GLDN: variants seen among roughly 807,000 people sequenced by gnomAD.
GLDN encodes the protein gliomedin, also known as collomin.
GLDN carries 47 observed loss-of-function variants against 56.5 expected under a neutral mutation model. That is an observed-to-expected ratio of 0.83 (90% CI 0.66 to 1.06). GLDN has a LOEUF of 1.06. GLDN is among the 50% of genes least tolerant of loss of function. GLDN has a pLI of 0.00. For synonymous variants in GLDN, 332 were observed against 278.8 expected, an observed-to-expected ratio of 1.19 and a Z score of -1.90; for missense variants, 782 against 714.3, an observed-to-expected ratio of 1.09 and a Z score of -1.08.
intron 4 of GLDN, among the ~76,000 whole-genome samples, chr15:51,387,605 T>C (rs2037926695): frequency 6.6e-6 from 1 of 152,074 alleles, no homozygotes; most frequent in Non-Finnish European, 1.5e-5. Flanking sequence ...TTCCAGGCCA[T>C]TGCTGTGACT....
At chr15:51,385,309 G>C (rs150512680) in intron 4 of GLDN, 1 of 152,226 alleles carries the variant, frequency 6.6e-6, no homozygotes, top group Non-Finnish European at 1.5e-5. Flanking sequence ...TGTGGGGCAC[G>C]TAGGAAAGGG....
chr15:51,400,522 C>G lies in GLDN; in HGVS notation c.1027+24C>G, dbSNP rs768273210. 8.1e-6 allele frequency: 13 copies of G among 1,608,532 alleles called. No individual in the cohort carries two copies. The Admixed American group carries it at 2.0e-4, about 25-fold the overall frequency. ...AGGTACTTGCACTCGGCCTATGACC[C>G]ATATCTGTGTGGTAACTGTATTTTT... On this transcript the variant is annotated intron_variant, in intron 8 of 9. Coordinates refer to ENST00000335449, the MANE Select transcript of GLDN (RefSeq NM_181789.4).
chr15:51,409,391 T>G (rs1376556030), downstream of GLDN, among the ~76,000 whole-genome samples: 3 of 152,106 alleles, frequency 2.0e-5, no homozygotes, highest in African/African-American at 7.2e-5. Context: ...CCCCTTTAAG[T>G]GGACCATTCA....
At chr15:51,404,113 G>T (rs2038315473) in intron 9 of GLDN, among the ~76,000 whole-genome samples, 164 bp from the exon 10 acceptor site, 1 of 152,144 alleles carries the variant, frequency 6.6e-6, no homozygotes, top group Admixed American at 6.5e-5. Flanking sequence ...TCACAGCATT[G>T]CCCAAGGACC....
chr15:51,353,736 CA>C lies in GLDN; in HGVS notation c.363+11690del, dbSNP rs1318465974. ...GATTAAAAAAAAAAAAAAAAAAAACCACAGTCAATTAAAAAAAAAAAAAAGA... is the reference window on the plus strand; with the variant it reads ...GATTAAAAAAAAAAAAAAAAAAAACCCAGTCAATTAAAAAAAAAAAAAAGA... On this transcript the variant is annotated intron_variant, in intron 1 of 9. Coordinates refer to ENST00000335449, the MANE Select transcript of GLDN (RefSeq NM_181789.4). Among the ~76,000 whole-genome samples the C allele has an allele frequency of 8.6e-5, 10 of 116,614 alleles. No individual in the cohort carries two copies. The East Asian group carries it at 3.7e-3, about 43-fold the overall frequency. 76.5% of individuals were successfully genotyped at this position (116,614 alleles called of 152,430 possible).
intron 2 of GLDN, among the ~76,000 whole-genome samples, chr15:51,378,863 C>T (rs569314748): frequency 2.6e-5 from 4 of 152,074 alleles, no homozygotes; most frequent in African/African-American, 7.2e-5. Flanking sequence ...GTGACAGGAC[C>T]CAGGAATGAA....
At chr15:51,392,641 C>A (rs1256381945) in intron 4 of GLDN, among the ~76,000 whole-genome samples, 1 of 142,774 alleles carries the variant, frequency 7.0e-6, no homozygotes, top group African/African-American at 2.8e-5. Context: ...GTCCCTGGTG[C>A]CAAAAAGGTT....
chr15:51,397,703 G>A, intron 6 of GLDN, 105 bp downstream of exon 6: 2 of 1,299,922 alleles, frequency 1.5e-6, no homozygotes, highest in Non-Finnish European at 2.0e-6. Context: ...AGAGGGAGGA[G>A]GGTTTTGTCC....
intron 6 of GLDN, among the ~76,000 whole-genome samples, chr15:51,398,763 G>A (rs1226478578): frequency 1.3e-5 from 2 of 152,208 alleles, no homozygotes; most frequent in Non-Finnish European, 2.9e-5. Flanking sequence ...TGCCTCCCCA[G>A]CCATTAGCAT....
At chr15:51,396,424 G>A (rs963981698) in intron 5 of GLDN, among the ~76,000 whole-genome samples, 1 of 152,208 alleles carries the variant, frequency 6.6e-6, no homozygotes, top group Non-Finnish European at 1.5e-5. Context: ...GGTATTTGTG[G>A]GAGAAGAGGG....
intron 1 of GLDN, among the ~76,000 whole-genome samples, chr15:51,346,750 C>T (rs1398473296): frequency 6.6e-6 from 1 of 152,108 alleles, no homozygotes; most frequent in Non-Finnish European, 1.5e-5. Flanking sequence ...GAAAACACCA[C>T]AAACAAAAGC....
chr15:51,384,272 C>A, intron 4 of GLDN: 1 of 258,362 alleles, frequency 3.9e-6, no homozygotes, highest in South Asian at 4.6e-5. Context: ...CCTCCTCCTG[C>A]CCAGCGAATC....
chr15:51,377,067 C>A (rs1029437770), intron 1 of GLDN, among the ~76,000 whole-genome samples: 7 of 152,128 alleles, frequency 4.6e-5, no homozygotes, highest in African/African-American at 1.7e-4. Context: ...ATGCACAAAG[C>A]AGTAATAGTC....
At chr15:51,397,918 A>G (rs915138248) in intron 6 of GLDN, among the ~76,000 whole-genome samples, 1 of 152,204 alleles carries the variant, frequency 6.6e-6, no homozygotes, top group Non-Finnish European at 1.5e-5. Context: ...TAAGCTGCTA[A>G]CTTTTTGCAC....
chr15:51,342,593 T>A (rs2036906677), intron 1 of GLDN, among the ~76,000 whole-genome samples: 1 of 152,238 alleles, frequency 6.6e-6, no homozygotes, highest in South Asian at 2.1e-4. Flanking sequence ...AAAACAGCCC[T>A]AGTTTTACTG....
intron 5 of GLDN, 51 bp from the exon 6 acceptor site, chr15:51,397,419 C>T (rs1357380515): frequency 6.4e-6 from 6 of 932,292 alleles, no homozygotes; most frequent in East Asian, 3.4e-5. Flanking sequence ...TCTCCCCTTC[C>T]CCCTTCTACC....
chr15:51,403,337 G>A (rs1010118156), intron 9 of GLDN, among the ~76,000 whole-genome samples: 14 of 152,072 alleles, frequency 9.2e-5, no homozygotes, highest in African/African-American at 3.4e-4. Context: ...AGATGTGCAG[G>A]GACCTTCCCA....
Position 51,404,427 on chromosome 15 carries a change from C to T in GLDN, c.1329C>T (p.Asp443=), listed in dbSNP as rs573652714. The change falls in exon 10 of 10, where the codon GAC becomes GAT. Residue 443 remains aspartate (D), a synonymous_variant. Coordinates refer to ENST00000335449, the MANE Select transcript of GLDN (RefSeq NM_181789.4). ...GGATTATCTATGCGTCAAGTGTGGA[C>T]GGCTCGAGCATTCTTGTAGCACAAC... ...GLWIIYASSV[D]GSSILVAQLD... The T allele has an allele frequency of 2.8e-5, 46 of 1,614,114 alleles. No individual in the cohort carries two copies. Among genetic ancestry groups the T allele is most frequent in the African/African-American group, 4.0e-5 (3 of 75,008 alleles).
chr15:51,404,877 T>C lies in GLDN; in HGVS notation c.*123T>C. 1.5e-6 allele frequency: 1 copy of C among 670,892 alleles called. No homozygotes were observed. The highest frequency in any genetic ancestry group is 2.6e-6 in the Non-Finnish European group (1 of 377,380). 41.6% of individuals were successfully genotyped at this position (670,892 alleles called of 1,614,324 possible). A position where few individuals can be genotyped will look rare whatever the true frequency, so the allele number is the denominator to read the frequency against. ...TAGAAAATAACCTCAAAAGTGTTTA[T>C]ATGGTCAGTGAGCCCCGCTTAGTGA... is the stretch of plus-strand genomic sequence containing the variant. On this transcript the variant is annotated 3_prime_UTR_variant, in exon 10 of 10. Transcript: ENST00000335449.
Sources: gnomAD v4.1 joint callset for allele counts (sites outside exome capture counted in the v4.1 genomes callset) on GRCh38, gnomAD v4.1.1 for gene constraint, MANE v1.5 for transcripts, NCBI Gene and HGNC (gene_info 2026-07-23, HGNC 2026-07-21) for gene names.